CNTN5: variants seen among roughly 807,000 people sequenced by gnomAD.
CNTN5 encodes contactin-5.
Under a neutral mutation model 129.1 loss-of-function variants are expected in CNTN5, and 77 were observed. That is an observed-to-expected ratio of 0.60 (90% CI 0.50 to 0.72). The LOEUF is 0.72. CNTN5 is among the 30% of genes least tolerant of loss of function. CNTN5 has a pLI of 0.00. For synonymous variants in CNTN5, 509 were observed against 465.6 expected (o/e 1.09, Z -1.20); for missense variants, 1,478 against 1,328.8 (o/e 1.11, Z -1.75).
Position 99,956,936 on chromosome 11 carries a change from T to C in CNTN5, c.804T>C (p.Ile268=). 1 of 1,613,922 alleles carries C rather than the reference T, an allele frequency of 6.2e-7. No individual in the cohort carries two copies. The highest frequency in any genetic ancestry group is 8.5e-7 in the Non-Finnish European group (1 of 1,179,854). The change falls in exon 8 of 25, where the codon ATT becomes ATC. Residue 268 remains isoleucine (I), a synonymous_variant. Coordinates refer to ENST00000524871, the MANE Select transcript of CNTN5 (RefSeq NM_014361.4). ...KVQTSDVGSY[I]CLVKNTVTNA... Reference sequence around the variant, plus strand: ...AAACATCAGATGTTGGCAGCTATATTTGTCTGGTGAAAAACACAGTGACGA... The same window carrying C: ...AAACATCAGATGTTGGCAGCTATATCTGTCTGGTGAAAAACACAGTGACGA...
In CNTN5 at chr11:100,356,418, AG is replaced by A; in HGVS notation, c.*200del. On this transcript the variant is annotated 3_prime_UTR_variant, in exon 25 of 25. Coordinates refer to ENST00000524871, the MANE Select transcript of CNTN5 (RefSeq NM_014361.4). ...TTCTCTTTGGTTTTTGTAAACGGAG[AG>A]GACAGTTCTTAGTCCAGTAAAAATA... 1 of 586,428 alleles carries A rather than the reference AG, an allele frequency of 1.7e-6. No homozygotes were observed. The highest frequency in any genetic ancestry group is 2.1e-5 in the South Asian group (1 of 47,418). The allele number at this position is 586,428 out of a possible 1,614,324, so 36.3% of individuals were successfully genotyped here.
intron 1 of CNTN5, among the ~76,000 whole-genome samples, chr11:99,323,936 A>G (rs1865674930): frequency 6.6e-6 from 1 of 152,176 alleles, no homozygotes; most frequent in African/African-American, 2.4e-5. Flanking sequence ...AGGAAGAGAC[A>G]GAGGGAGGAA....
At chr11:100,287,073 A>G (rs924650849) in intron 18 of CNTN5, among the ~76,000 whole-genome samples, 1 of 152,184 alleles carries the variant, frequency 6.6e-6, no homozygotes, top group Non-Finnish European at 1.5e-5. Context: ...ATAAAAAGAA[A>G]TGAGCAAAGC....
At chr11:100,081,050 A>G (rs1944346974) in intron 13 of CNTN5, among the ~76,000 whole-genome samples, 1 of 152,132 alleles carries the variant, frequency 6.6e-6, no homozygotes, top group African/African-American at 2.4e-5. Flanking sequence ...ATTCATTATG[A>G]TGAGATTAAG....
intron 3 of CNTN5, among the ~76,000 whole-genome samples, chr11:99,684,838 TC>T (rs1226031757): frequency 1.3e-5 from 2 of 151,656 alleles, no homozygotes; most frequent in Non-Finnish European, 3.0e-5. Context: ...TTATATCTTC[TC>T]TTTCTCTTTT....
chr11:99,968,656 C>CTTTTTTTTTTTTTT (rs71050037), intron 8 of CNTN5, among the ~76,000 whole-genome samples: 7 of 73,908 alleles, frequency 9.5e-5, no homozygotes, highest in Non-Finnish European at 1.5e-4. Context: ...GCTTTGGGTA[C>CTTTTTTTTTTTTTT]TTTTTTTTTT....
At chr11:99,965,518 TGA>T (rs1951070126) in intron 8 of CNTN5, among the ~76,000 whole-genome samples, 1 of 152,226 alleles carries the variant, frequency 6.6e-6, no homozygotes, top group South Asian at 2.1e-4. Context: ...CACTGTAGTC[TGA>T]GAGACAGTTT....
At chr11:99,636,118 C>G (rs919765387) in intron 3 of CNTN5, among the ~76,000 whole-genome samples, 2 of 151,484 alleles carry the variant, frequency 1.3e-5, no homozygotes, top group African/African-American at 4.9e-5. Context: ...AATTCCTGAC[C>G]TAGGAAAATA....
At chr11:99,123,858 G>C (rs1309309756) in intron 1 of CNTN5, among the ~76,000 whole-genome samples, 2 of 151,840 alleles carry the variant, frequency 1.3e-5, no homozygotes, top group African/African-American at 4.8e-5. Context: ...GGTGGTTGTA[G>C]GTGTGTAGCA....
At chr11:99,448,276 C>A (rs1294395090) in intron 2 of CNTN5, among the ~76,000 whole-genome samples, 2 of 152,140 alleles carry the variant, frequency 1.3e-5, no homozygotes, top group African/African-American at 2.4e-5. Context: ...AAATAAAATT[C>A]TTGTGTATAG....
At chr11:99,615,858 C>T (rs1375188365) in intron 3 of CNTN5, among the ~76,000 whole-genome samples, 2 of 151,830 alleles carry the variant, frequency 1.3e-5, no homozygotes, top group African/African-American at 2.4e-5. Context: ...ACATCTTGCA[C>T]TCAAGCGATC....
At chr11:99,771,676 T>C (rs978666311) in intron 3 of CNTN5, among the ~76,000 whole-genome samples, 2 of 151,878 alleles carry the variant, frequency 1.3e-5, no homozygotes, top group African/African-American at 4.8e-5. Context: ...TGGTCAGAAG[T>C]TACATATAAT....
At chr11:99,589,324 A>C (rs1949905333) in intron 3 of CNTN5, among the ~76,000 whole-genome samples, 1 of 152,228 alleles carries the variant, frequency 6.6e-6, no homozygotes, top group African/African-American at 2.4e-5. Flanking sequence ...GAAGTGTTGT[A>C]AATGTGCATA....
chr11:99,146,196 C>A (rs781581669), intron 1 of CNTN5, among the ~76,000 whole-genome samples: 11 of 151,884 alleles, frequency 7.2e-5, no homozygotes, highest in Non-Finnish European at 1.3e-4. Context: ...GCCAGTATTC[C>A]CTTCTCCAAA....
intron 3 of CNTN5, among the ~76,000 whole-genome samples, chr11:99,799,980 A>G (rs1460081784): frequency 6.6e-6 from 1 of 151,952 alleles, no homozygotes; most frequent in Non-Finnish European, 1.5e-5. Flanking sequence ...TTGAGATATT[A>G]TGTGTTTTCC....
rs549109396 is a variant in CNTN5, at chr11:100,135,285, C to T, written c.1581-55841C>T. Among the ~76,000 whole-genome samples, 3 of 151,110 alleles carry T rather than the reference C, an allele frequency of 2.0e-5. No homozygotes were observed. The South Asian group carries it at 6.3e-4, about 32-fold the overall frequency. Reference sequence around the variant, plus strand: ...CCACCTCCTGGGTTCAAGCAATCCTCCTGCCTCAGCCTCCCAAGTAGCTGG... The same window carrying T: ...CCACCTCCTGGGTTCAAGCAATCCTTCTGCCTCAGCCTCCCAAGTAGCTGG... On this transcript the variant is annotated intron_variant, in intron 13 of 24. Coordinates refer to ENST00000524871, the MANE Select transcript of CNTN5 (RefSeq NM_014361.4).
intron 3 of CNTN5, among the ~76,000 whole-genome samples, chr11:99,631,251 A>G (rs680914): frequency 0.61 from 92,577 of 151,896 alleles, 29,092 homozygotes; most frequent in Admixed American, 0.73. Context: ...TTGATTTTTA[A>G]TAAGAGATAA....
chr11:99,601,848 G>C (rs963335713), intron 3 of CNTN5, among the ~76,000 whole-genome samples: 10 of 152,110 alleles, frequency 6.6e-5, no homozygotes, highest in African/African-American at 2.4e-4. Flanking sequence ...AGAGGTATAT[G>C]TCACACTTCT....
chr11:99,314,119 TATTA>T (rs150051756), intron 1 of CNTN5, among the ~76,000 whole-genome samples: 8,487 of 152,018 alleles, frequency 0.056, 329 homozygotes, highest in Middle Eastern at 0.095. Context: ...AGTCAACAAA[TATTA>T]ATTAATATAA....
Sources: gnomAD v4.1 joint callset for allele counts (sites outside exome capture counted in the v4.1 genomes callset) on GRCh38, gnomAD v4.1.1 for gene constraint, MANE v1.5 for transcripts, NCBI Gene and HGNC (gene_info 2026-07-23, HGNC 2026-07-21) for gene names.